The following RIC3 variants were observed in gnomAD, a reference collection of about 807,000 sequenced individuals.
RIC3 encodes the protein RIC3 acetylcholine receptor chaperone, also known as protein RIC-3.
In RIC3, 28 loss-of-function variants were observed where a neutral mutation model predicts 27.3. The observed-to-expected ratio is 1.02, with a 90% CI of 0.76 to 1.41. The LOEUF (loss-of-function observed/expected upper bound fraction) is 1.41. Ranked by LOEUF, RIC3 falls within the 40% of genes most tolerant of loss-of-function variation. The pLI, the probability that RIC3 is intolerant of heterozygous loss-of-function variation, is 0.00. For missense variants in RIC3, 501 were observed against 444.7 expected (o/e 1.13, Z -1.14); for synonymous variants, 184 against 160.4 (o/e 1.15, Z -1.11).
chr11:8,100,481 A>G, the RIC3 span: 7 of 1,601,846 alleles, frequency 4.4e-6, no homozygotes, highest in Non-Finnish European at 6.0e-6. Context: ...TCAGGTGGCC[A>G]GTGTTGCGTT....
chr11:8,131,593 C>T (rs1052907071), intron 4 of RIC3, among the ~76,000 whole-genome samples: 3 of 151,920 alleles, frequency 2.0e-5, no homozygotes, highest in Non-Finnish European at 4.4e-5. Flanking sequence ...CAAAAACATA[C>T]AAATGCTTAA....
At chr11:8,163,018 A>AAAACACAC (rs533243067) in intron 1 of RIC3, among the ~76,000 whole-genome samples, 34 of 136,052 alleles carry the variant, frequency 2.5e-4, no homozygotes, top group African/African-American at 9.3e-4. Context: ...GGATTATTTA[A>AAAACACAC]ACACACACAC....
intron 5 of RIC3, among the ~76,000 whole-genome samples, chr11:8,122,226 C>G (rs925920692): frequency 1.3e-5 from 2 of 152,150 alleles, no homozygotes; most frequent in Non-Finnish European, 2.9e-5. Context: ...GTTGCCCTTT[C>G]ATGGCACACT....
chr11:8,156,448 A>T (rs1188572699), intron 1 of RIC3, among the ~76,000 whole-genome samples: 3 of 152,252 alleles, frequency 2.0e-5, no homozygotes, highest in Admixed American at 2.0e-4. Flanking sequence ...TACAGATTAA[A>T]TAATATCATA....
intron 1 of RIC3, among the ~76,000 whole-genome samples, chr11:8,155,086 T>C (rs1168133835): frequency 6.6e-6 from 1 of 151,860 alleles, no homozygotes; most frequent in African/African-American, 2.4e-5. Flanking sequence ...CCGGGTGTGG[T>C]GGCATGCACC....
At chr11:8,156,991 A>G (rs1375987696) in intron 1 of RIC3, among the ~76,000 whole-genome samples, 1 of 152,184 alleles carries the variant, frequency 6.6e-6, no homozygotes, top group Non-Finnish European at 1.5e-5. Flanking sequence ...AGCCTCTAAC[A>G]TCTAAAAGTT....
intron 1 of RIC3, among the ~76,000 whole-genome samples, chr11:8,141,719 A>C (rs1439571801): frequency 6.6e-6 from 1 of 152,142 alleles, no homozygotes; most frequent in African/African-American, 2.4e-5. Context: ...AATCAACAGA[A>C]TATACATTTT....
chr11:8,122,143 T>C (rs1029080095), intron 5 of RIC3, among the ~76,000 whole-genome samples: 1 of 152,188 alleles, frequency 6.6e-6, no homozygotes. Context: ...TGTACTACAA[T>C]ATAACAACCA....
intron 5 of RIC3, among the ~76,000 whole-genome samples, chr11:8,112,294 C>CTTTT (rs11376341): frequency 1.6e-5 from 2 of 124,316 alleles, no homozygotes; most frequent in African/African-American, 6.2e-5. Context: ...CTTTTCTTTT[C>CTTTT]TTTTTTTTTT....
At chr11:8,130,875 G>C (rs12363297) in intron 4 of RIC3, among the ~76,000 whole-genome samples, 6,306 of 152,182 alleles carry the variant, frequency 0.041, 154 homozygotes, top group Middle Eastern at 0.082. Context: ...CTGGACCACA[G>C]AGAGAGTGAT....
At chr11:8,161,631 G>A (rs16936453) in intron 1 of RIC3, among the ~76,000 whole-genome samples, 13,107 of 152,186 alleles carry the variant, frequency 0.086, 670 homozygotes, top group Admixed American at 0.13. Context: ...AGCCATTAAC[G>A]TGAACGGATA....
intron 3 of RIC3, 121 bp downstream of exon 3, chr11:8,138,151 T>G (rs75131852): frequency 1.6e-6 from 1 of 629,218 alleles, no homozygotes; most frequent in Non-Finnish European, 2.7e-6. Context: ...AAAAATGGCA[T>G]CAGATTAATT....
rs36008792 is a variant in RIC3 at position 8,145,202 on chromosome 11, T to TAA, written c.125-5011_125-5010dup. Among the ~76,000 whole-genome samples, 173 of 140,292 alleles carry TAA rather than the reference T, an allele frequency of 1.2e-3. 1 individual carries two copies. The highest frequency in any genetic ancestry group is 4.6e-3 in the East Asian group (22 of 4,816). 92.0% of individuals were successfully genotyped at this position (140,292 alleles called of 152,430 possible). ...TAATAAAAAAAAATTAAAAAAAAAT[T>TAA]AAAAAAAAAAAAGAAAGAAAATACA... On this transcript the variant is annotated intron_variant, in intron 1 of 5. Coordinates refer to ENST00000309737, the MANE Select transcript of RIC3 (RefSeq NM_001206671.4).
At chr11:8,101,599 A>G (rs750871164), downstream of RIC3, 1 of 1,614,232 alleles carries the variant, frequency 6.2e-7, no homozygotes, top group South Asian at 1.1e-5. Flanking sequence ...CAGCTTCGAC[A>G]GCAAGCTGGC....
In RIC3 at chr11:8,133,177, G is replaced by C. The variant is rs186944160; in HGVS notation, c.521+4201C>G. 1.1e-4 allele frequency among the ~76,000 whole-genome samples: 17 copies of C among 152,228 alleles called. No individual in the cohort carries two copies. The East Asian group carries it at 2.5e-3, about 22-fold the overall frequency. ...GTGCCTCCCTCTTTTGTATGTGCTT[G>C]CTTGCCCTTCCGCCTTTCCACCATA... On this transcript the variant is annotated intron_variant, in intron 4 of 5. Transcript: ENST00000309737.
chr11:8,129,298 A>ATTTC (rs1334532672), intron 4 of RIC3, among the ~76,000 whole-genome samples: 2 of 151,852 alleles, frequency 1.3e-5, no homozygotes, highest in African/African-American at 4.8e-5. Context: ...TAGGACTCTC[A>ATTTC]TTTCTCCATT....
chr11:8,117,382 G>C (rs572204131), intron 5 of RIC3, among the ~76,000 whole-genome samples: 1 of 152,220 alleles, frequency 6.6e-6, no homozygotes, highest in South Asian at 2.1e-4. Context: ...CTTTCAAAAA[G>C]GAAATCCTGT....
In RIC3 at chr11:8,132,419, G is replaced by C. The variant is rs1947852108; in HGVS notation, c.521+4959C>G. ...AATATGTGTGTGTTGTGGGGGAAGAGAGGACCAAAATCGTAAGGACAGAAA... is the reference window on the plus strand; with the variant it reads ...AATATGTGTGTGTTGTGGGGGAAGACAGGACCAAAATCGTAAGGACAGAAA... On this transcript the variant is annotated intron_variant, in intron 4 of 5. Coordinates refer to ENST00000309737, the MANE Select transcript of RIC3 (RefSeq NM_001206671.4). 2.6e-5 allele frequency among the ~76,000 whole-genome samples: 4 copies of C among 152,136 alleles called. No individual in the cohort carries two copies. In the South Asian group the frequency reaches 8.3e-4, roughly 32 times the overall value.
At chr11:8,094,505 G>A in the RIC3 span, among the ~76,000 whole-genome samples, 1 of 152,196 alleles carries the variant, frequency 6.6e-6, no homozygotes, top group African/African-American at 2.4e-5. Flanking sequence ...CCTCAAGGAG[G>A]ATCTCACCCA....
Sources: gnomAD v4.1 joint callset for allele counts (sites outside exome capture counted in the v4.1 genomes callset) on GRCh38, gnomAD v4.1.1 for gene constraint, MANE v1.5 for transcripts, NCBI Gene and HGNC (gene_info 2026-07-23, HGNC 2026-07-21) for gene names.